The following SLC9C1 variants were observed in gnomAD, a reference collection of about 807,000 sequenced individuals.
The protein encoded by SLC9C1 is solute carrier family 9 member C1.
Under a neutral mutation model 140.9 loss-of-function variants are expected in SLC9C1, and 97 were observed. The ratio of observed to expected loss-of-function variants is 0.69; its 90% CI spans 0.58 to 0.82. The LOEUF (loss-of-function observed/expected upper bound fraction) is 0.82. Ranked by LOEUF, SLC9C1 falls within the 40% of genes least tolerant of loss-of-function variation. The pLI, the probability that SLC9C1 is intolerant of heterozygous loss-of-function variation, is 0.00. For missense variants in SLC9C1, 1,340 were observed against 1,389.3 expected (o/e 0.96, Z 0.56); for synonymous variants, 440 against 442.6 (o/e 0.99, Z 0.07).
chr3:112,185,925 T>A, intron 20 of SLC9C1: 4 of 1,569,498 alleles, frequency 2.5e-6, no homozygotes, highest in Non-Finnish European at 3.4e-6. Flanking sequence ...CGCCGGGAAA[T>A]AGCCAGGCGG....
rs2079835112 is a variant in SLC9C1, at chr3:112,263,558, A to ACTAATTT, written c.1023-467_1023-461dup. ...GTCATATATCATTCCTATGTTTTAC[A>ACTAATTT]CTAATTTTATCTGATAATTTGGGAA... On this transcript the variant is annotated intron_variant, in intron 9 of 28. Transcript: ENST00000305815. 2.0e-5 allele frequency among the ~76,000 whole-genome samples: 3 copies of ACTAATTT among 151,816 alleles called. No individual in the cohort carries two copies. In the South Asian group the frequency reaches 6.2e-4, roughly 32 times the overall value.
At chr3:112,216,437 A>C (rs1227976429) in intron 15 of SLC9C1, among the ~76,000 whole-genome samples, 1 of 152,138 alleles carries the variant, frequency 6.6e-6, no homozygotes, top group Admixed American at 6.5e-5. Flanking sequence ...GAATGGGAGA[A>C]AATTTTTGCA....
intron 27 of SLC9C1, among the ~76,000 whole-genome samples, chr3:112,153,435 CTGT>C (rs2075040098): frequency 6.6e-6 from 1 of 151,768 alleles, no homozygotes; most frequent in Non-Finnish European, 1.5e-5. Context: ...TCCTCCTCAT[CTGT>C]TTTTCTATTG....
chr3:112,149,075 C>A (rs1323043298), intron 28 of SLC9C1, among the ~76,000 whole-genome samples: 7 of 152,082 alleles, frequency 4.6e-5, no homozygotes, highest in Non-Finnish European at 7.4e-5. Context: ...GCTGCTGGCC[C>A]AAGGAAGCAG....
At chr3:112,221,357 T>A in intron 13 of SLC9C1, 132 bp from the exon 14 acceptor site, 1 of 771,518 alleles carries the variant, frequency 1.3e-6, no homozygotes, top group Non-Finnish European at 2.0e-6. Flanking sequence ...AGAATATTTC[T>A]ATGGAGTTCA....
At chr3:112,221,246 G>A in intron 13 of SLC9C1, 21 bp from the exon 14 acceptor site, 4 of 1,589,896 alleles carry the variant, frequency 2.5e-6, no homozygotes, top group Non-Finnish European at 3.4e-6. Flanking sequence ...ATTAATTCAA[G>A]TCATTATATA....
intron 15 of SLC9C1, among the ~76,000 whole-genome samples, chr3:112,215,621 T>G (rs2078340594): frequency 6.6e-6 from 1 of 151,902 alleles, no homozygotes; most frequent in Non-Finnish European, 1.5e-5. Flanking sequence ...TCAAAGAGAA[T>G]GAAATACCTA....
intron 28 of SLC9C1, among the ~76,000 whole-genome samples, chr3:112,150,832 ATATATATATTTTT>A (rs1560003599): frequency 3.0e-4 from 11 of 36,928 alleles, no homozygotes; most frequent in African/African-American, 1.2e-3. Flanking sequence ...ATATATATAT[ATATATATATTTTT>A]TTTTTTTTTT....
At chr3:112,191,246 A>T (rs1372093048) in intron 20 of SLC9C1, among the ~76,000 whole-genome samples, 1 of 152,074 alleles carries the variant, frequency 6.6e-6, no homozygotes, top group Non-Finnish European at 1.5e-5. Flanking sequence ...CTATGTTGAA[A>T]ATAAGTGGGG....
In SLC9C1 at chr3:112,237,237, T is replaced by C. The variant is rs2079013451; in HGVS notation, c.1446+2603A>G. Among the ~76,000 whole-genome samples the C allele has an allele frequency of 3.3e-5, 5 of 152,328 alleles. No homozygotes were observed. In the South Asian group the frequency reaches 1.0e-3, roughly 32 times the overall value. On this transcript the variant is annotated intron_variant, in intron 12 of 28. Transcript: ENST00000305815. ...TTATGTAATGGCCTTCTTTGTCTCT[T>C]TTGATCTTCGTTGGTTTAAAGCCTG... is the stretch of plus-strand genomic sequence containing the variant.
chr3:112,242,481 A>T (rs952105197), intron 11 of SLC9C1, among the ~76,000 whole-genome samples: 5 of 152,174 alleles, frequency 3.3e-5, no homozygotes, highest in Non-Finnish European at 7.4e-5. Flanking sequence ...AAATTAAAAC[A>T]ATTAAACTTA....
intron 1 of SLC9C1, among the ~76,000 whole-genome samples, chr3:112,288,043 A>AG (rs1491175909): frequency 3.7e-4 from 2 of 5,378 alleles, no homozygotes; most frequent in Non-Finnish European, 1.7e-3. Context: ...ACTCCGTCTC[A>AG]AAAAAAAAAA....
chr3:112,283,912 G>T (rs2080431229), intron 2 of SLC9C1, among the ~76,000 whole-genome samples: 1 of 150,816 alleles, frequency 6.6e-6, no homozygotes, highest in Non-Finnish European at 1.5e-5. Flanking sequence ...AAAGTTTGTT[G>T]GTGATTCGTT....
chr3:112,271,393 G>GTATATATAGATATATATATATATATATA (rs2080070424), intron 6 of SLC9C1, among the ~76,000 whole-genome samples: 1 of 125,574 alleles, frequency 8.0e-6, no homozygotes, highest in Non-Finnish European at 1.7e-5. Context: ...ATTCTACATT[G>GTATATATAGATATATATATATATATATA]TATATATATA....
chr3:112,208,563 T>A lies in SLC9C1; in HGVS notation c.1791-190A>T, dbSNP rs552627216. On this transcript the variant is annotated intron_variant, in intron 15 of 28. Coordinates refer to ENST00000305815, the MANE Select transcript of SLC9C1 (RefSeq NM_183061.3). Reference sequence around the variant, plus strand: ...TCCTTTTAATTTCTTCCACTGATCCTCCTCTGTCTTGAGTCTAGTTTCTCC... The same window carrying A: ...TCCTTTTAATTTCTTCCACTGATCCACCTCTGTCTTGAGTCTAGTTTCTCC... 5.3e-5 allele frequency among the ~76,000 whole-genome samples: 8 copies of A among 152,296 alleles called. No homozygotes were observed. In the East Asian group the frequency reaches 1.5e-3, roughly 29 times the overall value.
chr3:112,249,356 AT>A (rs2079384154), intron 10 of SLC9C1, among the ~76,000 whole-genome samples: 1 of 149,930 alleles, frequency 6.7e-6, no homozygotes, highest in African/African-American at 2.5e-5. Context: ...GTATGTCAGT[AT>A]TTTGTTGAGG....
rs774203232 is a variant in SLC9C1, at chr3:112,269,963, T to C, written c.728A>G (p.Asn243Ser). ...WMSTVFGDDVNHISLIFSILY... is the reference protein window; with the variant it reads ...WMSTVFGDDVSHISLIFSILY... Reference sequence around the variant, plus strand: ...AATTGAAAAGATGAGACTTATATGATTGACATCATCACCAAAAACAGTTGA... The same window carrying C: ...AATTGAAAAGATGAGACTTATATGACTGACATCATCACCAAAAACAGTTGA... The change falls in exon 7 of 29, where the codon AAT becomes AGT. Residue 243 changes from asparagine to serine, a missense_variant. Physicochemically the swap from Asn to Ser is conservative, Grantham distance 46. Transcript: ENST00000305815. 4 of 1,597,924 alleles carry C rather than the reference T, an allele frequency of 2.5e-6. No homozygotes were observed. The highest frequency in any genetic ancestry group is 4.6e-5 in the East Asian group (2 of 43,910).
At chr3:112,222,462 A>G (rs932021065) in intron 13 of SLC9C1, among the ~76,000 whole-genome samples, 3 of 152,200 alleles carry the variant, frequency 2.0e-5, no homozygotes, top group Non-Finnish European at 2.9e-5. Flanking sequence ...CACAAAATCA[A>G]TGATCAAAAT....
At chr3:112,273,536 A>G (rs544204625) in intron 6 of SLC9C1, among the ~76,000 whole-genome samples, 1 of 152,238 alleles carries the variant, frequency 6.6e-6, no homozygotes, top group Non-Finnish European at 1.5e-5. Flanking sequence ...GTAACTGTCC[A>G]CAACCTGGAT....
Sources: allele counts gnomAD v4.1 joint callset (sites outside exome capture counted in the v4.1 genomes callset), GRCh38; gene constraint gnomAD v4.1.1; transcripts MANE v1.5; gene names NCBI Gene and HGNC (gene_info 2026-07-23, HGNC 2026-07-21).